Variants in TENM2 observed in about 807,000 individuals in gnomAD.
TENM2 encodes teneurin transmembrane protein 2, also known as teneurin-2.
Under a neutral mutation model 245.2 loss-of-function variants are expected in TENM2, and 52 were observed. The observed-to-expected ratio is 0.21, with a 90% CI of 0.17 to 0.27. TENM2 has a LOEUF of 0.27. Among genes scored for constraint, TENM2 ranks in the 10% least tolerant of loss-of-function variants. The probability of loss-of-function intolerance (pLI) is 1.00; values close to 1 mark genes in which losing one functional copy is unlikely to be tolerated. For synonymous variants in TENM2, 1,363 were observed against 1,438.9 expected (o/e 0.95, Z 1.19); for missense variants, 3,046 against 3,666.8 (o/e 0.83, Z 4.37).
intron 25 of TENM2, among the ~76,000 whole-genome samples, chr5:168,240,307 AAG>A (rs1198476098): frequency 6.6e-6 from 1 of 152,216 alleles, no homozygotes; most frequent in African/African-American, 2.4e-5. Flanking sequence ...GCAGAGCTTT[AAG>A]AGAGTGTCCC....
chr5:168,206,842 G>A (rs1029419496), intron 19 of TENM2, among the ~76,000 whole-genome samples: 1 of 152,088 alleles, frequency 6.6e-6, no homozygotes, highest in Non-Finnish European at 1.5e-5. Context: ...ATTTCATCTG[G>A]CCCTTGTAAT....
At chr5:167,680,615 T>C (rs919449910) in intron 2 of TENM2, among the ~76,000 whole-genome samples, 10 of 152,060 alleles carry the variant, frequency 6.6e-5, no homozygotes, top group Admixed American at 2.0e-4. Context: ...CAGGACCTAG[T>C]TGAGAAGCTG....
At chr5:167,048,030 G>T in the TENM2 span, among the ~76,000 whole-genome samples, 1 of 152,102 alleles carries the variant, frequency 6.6e-6, no homozygotes. Flanking sequence ...ATGCCACTCT[G>T]ATATTGCTAT....
At chr5:166,986,348 G>C in the TENM2 span, among the ~76,000 whole-genome samples, 2 of 151,928 alleles carry the variant, frequency 1.3e-5, no homozygotes, top group African/African-American at 4.8e-5. Context: ...TTTTTACTCT[G>C]CTCTCAGTTT....
intron 5 of TENM2, among the ~76,000 whole-genome samples, chr5:168,004,948 C>A (rs779495446): frequency 3.3e-5 from 5 of 152,112 alleles, no homozygotes; most frequent in Admixed American, 1.3e-4. Flanking sequence ...TGTCCCCATC[C>A]CCTCATCCCC....
Position 168,095,313 on chromosome 5 carries a change from C to A in TENM2, c.1712-2713C>A, listed in dbSNP as rs530827742. Reference sequence around the variant, plus strand: ...CTCTCCAAACTCAACTAATGTCACACCCTCCCTTGTTTGCTACCCTGCATC... The same window carrying A: ...CTCTCCAAACTCAACTAATGTCACAACCTCCCTTGTTTGCTACCCTGCATC... On this transcript the variant is annotated intron_variant, in intron 8 of 28. Coordinates refer to ENST00000518659, the Ensembl canonical transcript of TENM2. 2.0e-5 allele frequency among the ~76,000 whole-genome samples: 3 copies of A among 152,206 alleles called. No homozygotes were observed. The South Asian group carries it at 6.2e-4, about 32-fold the overall frequency.
rs1437728537 is a variant in TENM2, at chr5:168,104,001, C to CTGGT, written c.1813+5876_1813+5879dup. On this transcript the variant is annotated intron_variant, in intron 9 of 28. Transcript: ENST00000518659. ...CATGATCGGTGTCCTTCTTTCTTTT[C>CTGGT]TGGTTTGTTTGTTTGTTTGTTTGTT... Among the ~76,000 whole-genome samples the CTGGT allele has an allele frequency of 1.2e-4, 17 of 139,328 alleles. No individual in the cohort carries two copies. In the South Asian group the frequency reaches 2.5e-3, roughly 21 times the overall value. The allele number at this position is 139,328 out of a possible 152,430, so 91.4% of individuals were successfully genotyped here.
chr5:167,117,763 T>A, the TENM2 span, among the ~76,000 whole-genome samples: 1 of 152,116 alleles, frequency 6.6e-6, no homozygotes, highest in Non-Finnish European at 1.5e-5. Flanking sequence ...AGCTCATGGC[T>A]TATAGGATGT....
intron 1 of TENM2, among the ~76,000 whole-genome samples, chr5:167,358,300 T>C (rs766202502): frequency 4.6e-5 from 7 of 152,302 alleles, no homozygotes; most frequent in Admixed American, 3.9e-4. Context: ...TCACCAATGA[T>C]TACTATGTTG....
intron 1 of TENM2, among the ~76,000 whole-genome samples, chr5:167,299,279 G>C (rs1055827239): frequency 6.6e-6 from 1 of 152,166 alleles, no homozygotes; most frequent in African/African-American, 2.4e-5. Flanking sequence ...AGGTGGGAAG[G>C]CTAAACTGAG....
chr5:167,276,868 C>T, the TENM2 span, among the ~76,000 whole-genome samples: 1 of 151,960 alleles, frequency 6.6e-6, no homozygotes, highest in Admixed American at 6.6e-5. Flanking sequence ...GAATATGAGG[C>T]TGATTGAATC....
At chr5:168,259,827 T>C (rs1393127526) in intron 27 of TENM2, among the ~76,000 whole-genome samples, 1 of 152,258 alleles carries the variant, frequency 6.6e-6, no homozygotes, top group Admixed American at 6.5e-5. Context: ...AAACACTTGC[T>C]AAATAAAGGA....
the TENM2 span, among the ~76,000 whole-genome samples, chr5:167,052,469 A>G: frequency 2.0e-5 from 3 of 152,148 alleles, no homozygotes; most frequent in Non-Finnish European, 4.4e-5. Context: ...CCACATACAG[A>G]GAGGATCTGG....
At chr5:167,340,274 C>T (rs1758019782) in intron 1 of TENM2, among the ~76,000 whole-genome samples, 1 of 152,194 alleles carries the variant, frequency 6.6e-6, no homozygotes, top group Non-Finnish European at 1.5e-5. Flanking sequence ...AAAGTCACTT[C>T]TGTGTGTTTA....
intron 3 of TENM2, among the ~76,000 whole-genome samples, chr5:167,880,719 G>T (rs1045023438): frequency 6.6e-6 from 1 of 152,116 alleles, no homozygotes; most frequent in Non-Finnish European, 1.5e-5. Flanking sequence ...ATAAGACATA[G>T]AGCGCACTTT....
intron 2 of TENM2, among the ~76,000 whole-genome samples, chr5:167,867,706 TAA>T (rs1191839032): frequency 2.0e-5 from 3 of 152,180 alleles, no homozygotes; most frequent in Non-Finnish European, 4.4e-5. Flanking sequence ...TGAGAAGACA[TAA>T]GAGGTCATAA....
chr5:167,691,368 T>C lies in TENM2; in HGVS notation c.503-184618T>C, dbSNP rs1031559036. Reference sequence around the variant, plus strand: ...AGAAAAAAATAAGACCTGGAACAAATAAGAACAATTTCTTCCTGTTCTTCT... The same window carrying C: ...AGAAAAAAATAAGACCTGGAACAAACAAGAACAATTTCTTCCTGTTCTTCT... On this transcript the variant is annotated intron_variant, in intron 2 of 28. Transcript: ENST00000518659. Among the ~76,000 whole-genome samples the C allele has an allele frequency of 2.6e-5, 4 of 152,202 alleles. No homozygotes were observed. In the East Asian group the frequency reaches 7.7e-4, roughly 29 times the overall value.
At chr5:167,247,739 C>G in the TENM2 span, among the ~76,000 whole-genome samples, 4 of 152,132 alleles carry the variant, frequency 2.6e-5, no homozygotes, top group Non-Finnish European at 2.9e-5. Flanking sequence ...AAATGTGAAG[C>G]CTGAGAAATC....
chr5:167,383,853 A>G (rs959316154), intron 2 of TENM2, among the ~76,000 whole-genome samples: 1 of 152,116 alleles, frequency 6.6e-6, no homozygotes, highest in African/African-American at 2.4e-5. Context: ...ATATACACAC[A>G]TACACTTGCA....
Sources: gnomAD v4.1 joint callset for allele counts (sites outside exome capture counted in the v4.1 genomes callset) on GRCh38, gnomAD v4.1.1 for gene constraint, MANE v1.5 for transcripts, NCBI Gene and HGNC (gene_info 2026-07-23, HGNC 2026-07-21) for gene names.